The following LRFN5 variants were observed in gnomAD, a reference collection of about 807,000 sequenced individuals.
The protein encoded by LRFN5 is leucine rich repeat and fibronectin type III domain containing 5.
In LRFN5, 24 loss-of-function variants were observed where a neutral mutation model predicts 45.6. That is an observed-to-expected ratio of 0.53 (90% CI 0.38 to 0.74). The LOEUF (loss-of-function observed/expected upper bound fraction) is 0.74. LRFN5 is among the 30% of genes least tolerant of loss of function. The pLI, the probability that LRFN5 is intolerant of heterozygous loss-of-function variation, is 0.00. For missense variants in LRFN5, 776 were observed against 861.5 expected (o/e 0.90, Z 1.24); for synonymous variants, 340 against 313.8 (o/e 1.08, Z -0.88).
intron 2 of LRFN5, among the ~76,000 whole-genome samples, chr14:41,881,292 A>G (rs899286593): frequency 2.6e-5 from 4 of 151,930 alleles, no homozygotes; most frequent in South Asian, 2.1e-4. Flanking sequence ...TTTGAAGAAT[A>G]CTTTTATTAG....
chr14:41,845,315 A>T (rs1191323693), intron 2 of LRFN5, among the ~76,000 whole-genome samples: 1 of 152,128 alleles, frequency 6.6e-6, no homozygotes, highest in Non-Finnish European at 1.5e-5. Flanking sequence ...TTTATTAGAA[A>T]AGATTGTATA....
intron 2 of LRFN5, among the ~76,000 whole-genome samples, chr14:41,797,606 C>T (rs983021456): frequency 6.6e-6 from 1 of 151,386 alleles, no homozygotes; most frequent in Admixed American, 6.6e-5. Flanking sequence ...AAATTTCCAG[C>T]CAGACAAAAA....
intron 1 of LRFN5, among the ~76,000 whole-genome samples, chr14:41,696,885 C>T (rs1225456762): frequency 2.0e-5 from 3 of 151,854 alleles, no homozygotes; most frequent in Non-Finnish European, 2.9e-5. Flanking sequence ...AAGTGTTCAC[C>T]ACATTGTCCA....
At chr14:41,740,072 A>C (rs1229530657) in intron 1 of LRFN5, among the ~76,000 whole-genome samples, 1 of 152,124 alleles carries the variant, frequency 6.6e-6, no homozygotes, top group Non-Finnish European at 1.5e-5. Flanking sequence ...AAAAATAAAA[A>C]TAAAGCCCAG....
At chr14:41,885,353 A>G (rs1890531330) in intron 2 of LRFN5, among the ~76,000 whole-genome samples, 1 of 151,768 alleles carries the variant, frequency 6.6e-6, no homozygotes, top group Non-Finnish European at 1.5e-5. Context: ...AGAAAGAAAA[A>G]AAGAAAACCT....
At chr14:41,656,475 G>A (rs1244885265) in intron 1 of LRFN5, among the ~76,000 whole-genome samples, 2 of 151,868 alleles carry the variant, frequency 1.3e-5, no homozygotes, top group Non-Finnish European at 1.5e-5. Context: ...ATTGAGACCT[G>A]ATCAGCTTTA....
intron 1 of LRFN5, among the ~76,000 whole-genome samples, chr14:41,629,143 C>G (rs1188695967): frequency 2.0e-5 from 3 of 152,146 alleles, no homozygotes; most frequent in African/African-American, 7.2e-5. Flanking sequence ...TTTATAAGTT[C>G]TGGGGATTTT....
chr14:41,842,232 A>G (rs1410038640), intron 2 of LRFN5, among the ~76,000 whole-genome samples: 5 of 152,116 alleles, frequency 3.3e-5, no homozygotes, highest in African/African-American at 1.2e-4. Context: ...AGATTATCAC[A>G]AAAATTAACT....
rs892534178 is a variant in LRFN5, at chr14:41,607,066, CG to C, written c.-1689del. Reference sequence around the variant, plus strand: ...TCGCCCCAGCGCGGTGGCCAGCGGGCGGGGCGCTGTGTTCCGCGGCGCGCAG... The same window carrying C: ...TCGCCCCAGCGCGGTGGCCAGCGGGCGGGCGCTGTGTTCCGCGGCGCGCAG... On this transcript the variant is annotated 5_prime_UTR_variant, in exon 1 of 6. Transcript: ENST00000298119. 9.2e-5 allele frequency among the ~76,000 whole-genome samples: 14 copies of C among 152,240 alleles called. No homozygotes were observed. The East Asian group carries it at 1.9e-3, about 21-fold the overall frequency.
chr14:41,675,435 C>T (rs1380390547), intron 1 of LRFN5, among the ~76,000 whole-genome samples: 1 of 152,204 alleles, frequency 6.6e-6, no homozygotes, highest in Non-Finnish European at 1.5e-5. Flanking sequence ...ACCCCGTCTC[C>T]ACCAAAAAAT....
chr14:41,843,086 CTTT>C (rs539151256), intron 2 of LRFN5, among the ~76,000 whole-genome samples: 2 of 118,296 alleles, frequency 1.7e-5, no homozygotes, highest in South Asian at 2.7e-4. Flanking sequence ...TTTGTCTTTT[CTTT>C]TTTTTTTTTT....
chr14:41,879,870 G>A (rs1171910582), intron 2 of LRFN5, among the ~76,000 whole-genome samples: 1 of 132,098 alleles, frequency 7.6e-6, no homozygotes. Flanking sequence ...GGCAATTTTT[G>A]GTTTCTCTCA....
intron 1 of LRFN5, among the ~76,000 whole-genome samples, chr14:41,739,711 A>G (rs1453140592): frequency 1.3e-5 from 2 of 151,990 alleles, no homozygotes; most frequent in African/African-American, 4.8e-5. Context: ...AATAACAAAG[A>G]TCGGAGCAGA....
chr14:41,837,194 CAAA>C (rs5808157), intron 2 of LRFN5, among the ~76,000 whole-genome samples: 132 of 75,388 alleles, frequency 1.8e-3, no homozygotes, highest in African/African-American at 4.1e-3. Context: ...ACACACTCCA[CAAA>C]AAAAAAAAAA....
intron 1 of LRFN5, among the ~76,000 whole-genome samples, chr14:41,645,805 C>T (rs1471107326): frequency 3.3e-5 from 5 of 152,144 alleles, no homozygotes; most frequent in African/African-American, 9.7e-5. Flanking sequence ...AGAATTTTCA[C>T]ATACTCTTCT....
At chr14:41,746,206 A>G (rs1484396575) in intron 1 of LRFN5, among the ~76,000 whole-genome samples, 1 of 152,016 alleles carries the variant, frequency 6.6e-6, no homozygotes, top group African/African-American at 2.4e-5. Context: ...CTACATATTA[A>G]AATCATTCAC....
intron 2 of LRFN5, among the ~76,000 whole-genome samples, chr14:41,856,825 CG>C (rs2139088623): frequency 1.4e-5 from 2 of 146,976 alleles, no homozygotes; most frequent in East Asian, 4.0e-4. Flanking sequence ...TACAGGCGCC[CG>C]CCACTGCGCC....
chr14:41,722,039 AT>A (rs1303085820), intron 1 of LRFN5, among the ~76,000 whole-genome samples: 1 of 151,870 alleles, frequency 6.6e-6, no homozygotes, highest in Non-Finnish European at 1.5e-5. Flanking sequence ...ATAATTCTAT[AT>A]TTTTTGAAGA....
At chr14:41,666,234 TTTTATTGCAGCCCTGAAGA>T (rs1880892027) in intron 1 of LRFN5, among the ~76,000 whole-genome samples, 1 of 152,054 alleles carries the variant, frequency 6.6e-6, no homozygotes, top group Admixed American at 6.6e-5. Flanking sequence ...CTTTTTCTCA[TTTTATTGCAGCCCTGAAGA>T]GCACTTGTGG....
Sources: allele counts gnomAD v4.1 joint callset (sites outside exome capture counted in the v4.1 genomes callset), GRCh38; gene constraint gnomAD v4.1.1; transcripts MANE v1.5; gene names NCBI Gene and HGNC (gene_info 2026-07-23, HGNC 2026-07-21).